RSPO3: variants seen among roughly 807,000 people sequenced by gnomAD.
RSPO3 encodes R-spondin 3.
RSPO3 carries 17 observed loss-of-function variants against 36.5 expected under a neutral mutation model. The ratio of observed to expected loss-of-function variants is 0.47; its 90% CI spans 0.32 to 0.70. The LOEUF (loss-of-function observed/expected upper bound fraction) is 0.70. Ranked by LOEUF, RSPO3 falls within the 30% of genes least tolerant of loss-of-function variation. RSPO3 has a pLI of 0.04. For missense variants in RSPO3, 294 were observed against 322.5 expected (o/e 0.91, Z 0.68); for synonymous variants, 108 against 107.0 (o/e 1.01, Z -0.06).
intron 3 of RSPO3, among the ~76,000 whole-genome samples, chr6:127,153,009 T>C (rs1253221352): frequency 6.6e-6 from 1 of 152,128 alleles, no homozygotes; most frequent in African/African-American, 2.4e-5. Flanking sequence ...GTAAAGTCAC[T>C]ACTAATAGGA....
chr6:127,182,854 C>T (rs1480114744), intron 4 of RSPO3, among the ~76,000 whole-genome samples: 1 of 151,936 alleles, frequency 6.6e-6, no homozygotes, highest in African/African-American at 2.4e-5. Context: ...GCAAGATGGG[C>T]TAGAATCATA....
chr6:127,186,206 G>GA (rs933215236), intron 4 of RSPO3, among the ~76,000 whole-genome samples: 3 of 151,938 alleles, frequency 2.0e-5, no homozygotes, highest in African/African-American at 4.8e-5. Context: ...GTGATTCTTA[G>GA]AAAAAATAAA....
intron 1 of RSPO3, among the ~76,000 whole-genome samples, chr6:127,123,327 C>T (rs991108202): frequency 1.3e-5 from 2 of 152,114 alleles, no homozygotes; most frequent in African/African-American, 4.8e-5. Flanking sequence ...ATTTTTCACA[C>T]TTGTCTACGT....
At chr6:127,151,916 G>A (rs1582796667) in intron 3 of RSPO3, among the ~76,000 whole-genome samples, 1 of 152,104 alleles carries the variant, frequency 6.6e-6, no homozygotes, top group East Asian at 1.9e-4. Flanking sequence ...AAACACGTCT[G>A]TGGAATATTC....
At chr6:127,159,194 C>T (rs1172923941) in intron 4 of RSPO3, among the ~76,000 whole-genome samples, 1 of 152,078 alleles carries the variant, frequency 6.6e-6, no homozygotes, top group East Asian at 1.9e-4. Context: ...GCAGAGTCAA[C>T]AAACACATTT....
rs73775205 is a variant in RSPO3, at chr6:127,154,410, A to G, written c.437-831A>G. Among the ~76,000 whole-genome samples the G allele has an allele frequency of 5.1e-3, 780 of 152,280 alleles. 5 individuals are homozygous for G. The highest frequency in any genetic ancestry group is 0.017 in the African/African-American group (726 of 41,558). On this transcript the variant is annotated intron_variant, in intron 3 of 4. Transcript: ENST00000356698. ...GTTATTGAAAAAAAGAAACTAATACAGAAAAAGGAAACAAATCTCCAAAAG... is the reference window on the plus strand; with the variant it reads ...GTTATTGAAAAAAAGAAACTAATACGGAAAAAGGAAACAAATCTCCAAAAG...
At chr6:127,132,630 A>C (rs1043195385) in intron 1 of RSPO3, among the ~76,000 whole-genome samples, 2 of 152,060 alleles carry the variant, frequency 1.3e-5, no homozygotes. Flanking sequence ...AAGCTCTGGT[A>C]TCCATATTAT....
At position 127,139,912 on chromosome 6, in the gene RSPO3, T is replaced by C. The variant is rs558654884; in HGVS notation, c.98-8736T>C. Among the ~76,000 whole-genome samples the C allele has an allele frequency of 5.3e-5, 8 of 152,150 alleles. 1 individual carries two copies. The South Asian group carries it at 1.7e-3, about 32-fold the overall frequency. On this transcript the variant is annotated intron_variant, in intron 1 of 4. Coordinates refer to ENST00000356698, the MANE Select transcript of RSPO3 (RefSeq NM_032784.5). Reference sequence around the variant, plus strand: ...CACTCGTAGCAGAGTGCATTCACTTTACAAAGGATTTTTCTACTTGCGATT... The same window carrying C: ...CACTCGTAGCAGAGTGCATTCACTTCACAAAGGATTTTTCTACTTGCGATT...
At chr6:127,195,116 C>T (rs1014043108) in intron 4 of RSPO3, among the ~76,000 whole-genome samples, 3 of 151,972 alleles carry the variant, frequency 2.0e-5, no homozygotes. Flanking sequence ...ACTGCTACTT[C>T]GAAAAAAATT....
At position 127,192,627 on chromosome 6, in the gene RSPO3, C is replaced by T. The variant is rs1775434616; in HGVS notation, c.635-3196C>T. The T allele has an allele frequency of 1.0e-5, 10 of 984,178 alleles. No homozygotes were observed. The South Asian group carries it at 4.7e-4, about 46-fold the overall frequency. The allele number at this position is 984,178 out of a possible 1,614,324, so 61.0% of individuals were successfully genotyped here. ...AGCAAATTCTCTTTGATGTTTTCTA[C>T]CCAAACACCCTCATAGGTAGAACAT... On this transcript the variant is annotated intron_variant, in intron 4 of 4. Coordinates refer to ENST00000356698, the MANE Select transcript of RSPO3 (RefSeq NM_032784.5).
chr6:127,151,449 G>T (rs773488571), intron 3 of RSPO3, among the ~76,000 whole-genome samples: 3 of 151,822 alleles, frequency 2.0e-5, no homozygotes, highest in Admixed American at 6.6e-5. Flanking sequence ...AAATCCCCTG[G>T]GCAAGAACTA....
At chr6:127,175,081 C>G (rs9491706) in intron 4 of RSPO3, among the ~76,000 whole-genome samples, 70,942 of 151,502 alleles carry the variant, frequency 0.47, 16,772 homozygotes, top group East Asian at 0.53. Flanking sequence ...AATGCAAAAA[C>G]GTGATTTTCC....
chr6:127,188,424 T>A (rs1473081324), intron 4 of RSPO3, among the ~76,000 whole-genome samples: 7 of 152,144 alleles, frequency 4.6e-5, no homozygotes, highest in African/African-American at 1.7e-4. Flanking sequence ...AGTAGCATTT[T>A]AAAATTTTAA....
chr6:127,138,258 T>C (rs1774202109), intron 1 of RSPO3, among the ~76,000 whole-genome samples: 1 of 152,222 alleles, frequency 6.6e-6, no homozygotes, highest in African/African-American at 2.4e-5. Context: ...ATATCATTTC[T>C]ATGCCATATC....
At chr6:127,183,043 A>T (rs1439756456) in intron 4 of RSPO3, among the ~76,000 whole-genome samples, 1 of 151,860 alleles carries the variant, frequency 6.6e-6, no homozygotes, top group Non-Finnish European at 1.5e-5. Context: ...CCTCTTCCTG[A>T]CCACCTCTTT....
chr6:127,138,365 A>G (rs1365636879), intron 1 of RSPO3, among the ~76,000 whole-genome samples: 2 of 152,062 alleles, frequency 1.3e-5, no homozygotes, highest in Non-Finnish European at 2.9e-5. Flanking sequence ...CTCCTATTAA[A>G]GTCTGTGTCT....
rs548862928 is a variant in RSPO3 at position 127,120,264 on chromosome 6, G to A, written c.97+975G>A. Among the ~76,000 whole-genome samples the A allele has an allele frequency of 5.3e-5, 8 of 152,272 alleles. No homozygotes were observed. In the South Asian group the frequency reaches 1.7e-3, roughly 32 times the overall value. On this transcript the variant is annotated intron_variant, in intron 1 of 4. Coordinates refer to ENST00000356698, the MANE Select transcript of RSPO3 (RefSeq NM_032784.5). ...AGATGCGAAGGTGTCACCTCTCCTCGCTCCAGGGTAGCCTGGCGCCCTCGC... is the reference window on the plus strand; with the variant it reads ...AGATGCGAAGGTGTCACCTCTCCTCACTCCAGGGTAGCCTGGCGCCCTCGC...
rs943330185 is a variant in RSPO3, at chr6:127,199,073, C to G, written c.*3066C>G. Among the ~76,000 whole-genome samples the G allele has an allele frequency of 2.0e-5, 3 of 152,172 alleles. No homozygotes were observed. In the South Asian group the frequency reaches 6.2e-4, roughly 31 times the overall value. ...AGATATTCATTCTCACAAAGGGAGA[C>G]AGCAAAGAAAATGGAAAGTGCACTG... On this transcript the variant is annotated 3_prime_UTR_variant, in exon 5 of 5. Transcript: ENST00000356698.
At chr6:127,179,433 G>T (rs1775135550) in intron 4 of RSPO3, among the ~76,000 whole-genome samples, 1 of 151,844 alleles carries the variant, frequency 6.6e-6, no homozygotes, top group Admixed American at 6.6e-5. Context: ...AGGCTCTTAT[G>T]TGCTAATATT....
Sources: gnomAD v4.1 joint callset for allele counts (sites outside exome capture counted in the v4.1 genomes callset) on GRCh38, gnomAD v4.1.1 for gene constraint, MANE v1.5 for transcripts, NCBI Gene and HGNC (gene_info 2026-07-23, HGNC 2026-07-21) for gene names.